SLC35D2: variants seen among roughly 807,000 people sequenced by gnomAD.
The protein encoded by SLC35D2 is solute carrier family 35 member D2.
Under a neutral mutation model 41.8 loss-of-function variants are expected in SLC35D2, and 43 were observed. The ratio of observed to expected loss-of-function variants is 1.03; its 90% CI spans 0.81 to 1.33. The LOEUF is 1.33. SLC35D2 is among the 40% of genes most tolerant of loss of function. SLC35D2 has a pLI of 0.00. For missense variants in SLC35D2, 380 were observed against 408.4 expected (o/e 0.93, Z 0.60); for synonymous variants, 150 against 163.9 (o/e 0.92, Z 0.65).
intron 10 of SLC35D2, 92 bp downstream of exon 10, chr9:96,323,999 A>G: frequency 9.0e-7 from 1 of 1,108,572 alleles, no homozygotes; most frequent in South Asian, 1.3e-5. Context: ...TTACACCACC[A>G]CCAACAACAA....
At chr9:96,366,780 CT>C (rs921234763) in intron 2 of SLC35D2, among the ~76,000 whole-genome samples, 67 of 141,418 alleles carry the variant, frequency 4.7e-4, no homozygotes, top group Admixed American at 5.0e-4. Flanking sequence ...TCGGCCTGAT[CT>C]TTTTTTTTTT....
At chr9:96,382,911 G>A (rs1564134350) in intron 1 of SLC35D2, among the ~76,000 whole-genome samples, 1 of 152,190 alleles carries the variant, frequency 6.6e-6, no homozygotes, top group Non-Finnish European at 1.5e-5. Context: ...TTTTCTCAGT[G>A]CCGCTACAAT....
intron 9 of SLC35D2, among the ~76,000 whole-genome samples, chr9:96,333,594 CA>C (rs573718212): frequency 0.018 from 1,223 of 68,710 alleles, 7 homozygotes; most frequent in African/African-American, 0.062. Context: ...GACTCCGTCT[CA>C]AAAAAAAAAA....
Position 96,329,116 on chromosome 9 carries a change from T to C in SLC35D2, c.753-4947A>G, listed in dbSNP as rs182763007. Among the ~76,000 whole-genome samples the C allele has an allele frequency of 4.6e-5, 7 of 152,008 alleles. No individual in the cohort carries two copies. The East Asian group carries it at 1.3e-3, about 29-fold the overall frequency. ...AAAAAAAAAAAAAAGACATTATTTATGTCTTTTAAAGGACAGAAATTCTAC... is the reference window on the plus strand; with the variant it reads ...AAAAAAAAAAAAAAGACATTATTTACGTCTTTTAAAGGACAGAAATTCTAC... On this transcript the variant is annotated intron_variant, in intron 9 of 11. Coordinates refer to ENST00000253270, the MANE Select transcript of SLC35D2 (RefSeq NM_007001.3).
intron 9 of SLC35D2, among the ~76,000 whole-genome samples, chr9:96,334,467 G>A (rs746105847): frequency 8.6e-5 from 13 of 151,956 alleles, no homozygotes; most frequent in Non-Finnish European, 1.8e-4. Context: ...ATGAAACTCC[G>A]TCTCTACTAA....
chr9:96,383,506 A>G lies in SLC35D2; in HGVS notation c.129T>C (p.Leu43=). 1 of 1,536,956 alleles carries G rather than the reference A, an allele frequency of 6.5e-7. No individual in the cohort carries two copies. Among genetic ancestry groups the G allele is most frequent in the Non-Finnish European group, 8.8e-7 (1 of 1,141,458 alleles). ...FYGTCSFLIV[L]VNKALLTTYG... ...AGGTGGTCAGCAGCGCCTTGTTGAC[A>G]AGCACGATGAGGAAGGAGCAGGTCC... Residue 43 remains leucine, a synonymous_variant, in exon 1 of 12, where the codon CTT becomes CTC. Transcript: ENST00000253270.
chr9:96,364,410 C>T (rs1830398810), intron 3 of SLC35D2, 54 bp downstream of exon 3: 1 of 1,079,426 alleles, frequency 9.3e-7, no homozygotes, highest in Non-Finnish European at 1.4e-6. Flanking sequence ...ACTCTAAAAT[C>T]AATGTGTATT....
chr9:96,369,102 G>A (rs1456781062), intron 1 of SLC35D2, among the ~76,000 whole-genome samples: 2 of 151,980 alleles, frequency 1.3e-5, no homozygotes, highest in African/African-American at 2.4e-5. Flanking sequence ...AAAATACTCT[G>A]GGGGGAGATG....
intron 1 of SLC35D2, among the ~76,000 whole-genome samples, chr9:96,375,514 G>A (rs544415000): frequency 1.4e-3 from 210 of 151,406 alleles, no homozygotes; most frequent in Middle Eastern, 6.8e-3. Flanking sequence ...GGAGATGGAG[G>A]TTGCTGTGAG....
At chr9:96,355,545 G>A (rs1829990900) in intron 4 of SLC35D2, among the ~76,000 whole-genome samples, 1 of 151,640 alleles carries the variant, frequency 6.6e-6, no homozygotes, top group South Asian at 2.1e-4. Context: ...CGCCCAGGCT[G>A]GAGTGCAATG....
At chr9:96,345,744 TCTG>T (rs1266872286) in intron 6 of SLC35D2, among the ~76,000 whole-genome samples, 5 of 152,248 alleles carry the variant, frequency 3.3e-5, no homozygotes, top group African/African-American at 1.2e-4. Context: ...ACCCAGGGGC[TCTG>T]CTTATTGTAG....
intron 9 of SLC35D2, among the ~76,000 whole-genome samples, chr9:96,335,738 C>A (rs931529906): frequency 2.0e-5 from 3 of 152,078 alleles, no homozygotes; most frequent in Admixed American, 2.0e-4. Flanking sequence ...GTCTCTCAAC[C>A]AGAAGATATA....
intron 9 of SLC35D2, among the ~76,000 whole-genome samples, chr9:96,329,941 A>G (rs1442370682): frequency 6.6e-6 from 1 of 152,246 alleles, no homozygotes; most frequent in Non-Finnish European, 1.5e-5. Flanking sequence ...TATGGAGGCT[A>G]AAAAGTCCCA....
intron 1 of SLC35D2, among the ~76,000 whole-genome samples, chr9:96,368,960 T>G (rs1830580185): frequency 6.6e-6 from 1 of 152,076 alleles, no homozygotes; most frequent in Non-Finnish European, 1.5e-5. Flanking sequence ...AAACGGAGTT[T>G]CATCATGTTG....
chr9:96,363,511 AT>A, intron 3 of SLC35D2, among the ~76,000 whole-genome samples: 1 of 152,234 alleles, frequency 6.6e-6, no homozygotes, highest in African/African-American at 2.4e-5. Flanking sequence ...TGGTCTAAGA[AT>A]TAAATGCCTG....
At chr9:96,349,588 C>G (rs907477733) in intron 6 of SLC35D2, among the ~76,000 whole-genome samples, 3 of 152,010 alleles carry the variant, frequency 2.0e-5, no homozygotes, top group African/African-American at 7.3e-5. Context: ...TGCAATGGCA[C>G]AATCTCAGCT....
At chr9:96,353,459 T>G (rs1829896903) in intron 4 of SLC35D2, among the ~76,000 whole-genome samples, 1 of 152,118 alleles carries the variant, frequency 6.6e-6, no homozygotes, top group African/African-American at 2.4e-5. Flanking sequence ...GTTCAAGCGA[T>G]TCTCCTGCCT....
intron 3 of SLC35D2, among the ~76,000 whole-genome samples, chr9:96,362,372 C>T (rs996307452): frequency 3.3e-5 from 5 of 151,996 alleles, no homozygotes; most frequent in South Asian, 2.1e-4. Flanking sequence ...CCGGGCATGG[C>T]GGCGCATGCC....
Position 96,322,094 on chromosome 9 carries a change from G to C in SLC35D2, c.832-14C>G. 1 of 1,506,038 alleles carries C rather than the reference G, an allele frequency of 6.6e-7. No individual in the cohort carries two copies. The highest frequency in any genetic ancestry group is 1.2e-5 in the South Asian group (1 of 86,022). The allele number at this position is 1,506,038 out of a possible 1,614,324, so 93.3% of individuals were successfully genotyped here. A position where few individuals can be genotyped will look rare whatever the true frequency, so the allele number is the denominator to read the frequency against. ...AACGGATACATTCTGCAGAAAAAGA[G>C]AGAGGATTCGTCATTTTAAAAGTAA... On this transcript the variant is annotated splice_polypyrimidine_tract_variant and intron_variant, in intron 10 of 11. Transcript: ENST00000253270.
Sources: gnomAD v4.1 joint callset for allele counts (sites outside exome capture counted in the v4.1 genomes callset) on GRCh38, gnomAD v4.1.1 for gene constraint, MANE v1.5 for transcripts, NCBI Gene and HGNC (gene_info 2026-07-23, HGNC 2026-07-21) for gene names.